Variants in EPHX3 observed in about 807,000 individuals in gnomAD.
EPHX3 encodes epoxide hydrolase 3.
EPHX3 carries 39 observed loss-of-function variants against 40.2 expected under a neutral mutation model. That is an observed-to-expected ratio of 0.97 (90% confidence interval 0.75 to 1.27). The LOEUF (loss-of-function observed/expected upper bound fraction) is 1.27. Ranked by LOEUF, EPHX3 falls within the 50% of genes most tolerant of loss-of-function variation. The pLI is 0.00. For missense variants in EPHX3, 442 were observed against 474.0 expected, an observed-to-expected ratio of 0.93 and a Z score of 0.63; for synonymous variants, 213 against 209.7, an observed-to-expected ratio of 1.02 and a Z score of -0.14.
At position 15,231,713 on chromosome 19, in the gene EPHX3, G is replaced by A. The variant is rs1599421733; in HGVS notation, c.329+63C>T. 2.6e-6 allele frequency: 4 copies of A among 1,530,644 alleles called. No individual in the cohort carries two copies. The East Asian group carries it at 9.0e-5, about 34-fold the overall frequency. The allele number at this position is 1,530,644 out of a possible 1,614,324, so 94.8% of individuals were successfully genotyped here. The stretch of plus-strand genomic sequence containing the variant: ...TATACAGCCCTCCTCCCTGCCTCTT[G>A]GGAGCCCAAGCTCCACCTGCCCCCG... On this transcript the variant is annotated intron_variant, in intron 2 of 6. Coordinates refer to ENST00000221730, the MANE Select transcript of EPHX3 (RefSeq NM_024794.3).
chr19:15,227,551 C>G lies in EPHX3; in HGVS notation c.969G>C (p.Val323=), dbSNP rs773808972. The G allele has an allele frequency of 6.2e-7, 1 of 1,614,060 alleles. No individual in the cohort carries two copies. Among genetic ancestry groups the G allele is most frequent in the Non-Finnish European group, 8.5e-7 (1 of 1,180,028 alleles). ...GLVEAIGSRF[V]PGRLEAHILP... ...GGATGTGGGCCTCCAAGCGGCCCGG[C>G]ACAAAGCGGCTGCCGATGGCTTCCA... is the stretch of plus-strand genomic sequence containing the variant. Residue 323 remains valine (V), a synonymous_variant, in exon 7 of 7, where the codon GTG becomes GTC. Coordinates refer to ENST00000221730, the MANE Select transcript of EPHX3 (RefSeq NM_024794.3).
At chr19:15,230,917 C>G in intron 4 of EPHX3, 45 bp downstream of exon 4, 1 of 1,605,510 alleles carries the variant, frequency 6.2e-7, no homozygotes, top group African/African-American at 1.3e-5. Context: ...GTCCCTGCCC[C>G]CTTGCACATA....
In EPHX3 at chr19:15,227,383, GGT is replaced by G. The variant is rs2047119319; in HGVS notation, c.*52_*53del. The G allele has an allele frequency of 4.3e-6, 6 of 1,385,218 alleles. No homozygotes were observed. Among genetic ancestry groups the G allele is most frequent in the Non-Finnish European group, 5.1e-6 (5 of 973,798 alleles). The allele number at this position is 1,385,218 out of a possible 1,614,324, so 85.8% of individuals were successfully genotyped here. Reference sequence around the variant, plus strand: ...GACTCCCAGGCACACACAGATAATGGGTGTGTGTTCCTTCCTGAGTATCCATG... The same window carrying G: ...GACTCCCAGGCACACACAGATAATGGGTGTGTTCCTTCCTGAGTATCCATG... On this transcript the variant is annotated 3_prime_UTR_variant, in exon 7 of 7. Coordinates refer to ENST00000221730, the MANE Select transcript of EPHX3 (RefSeq NM_024794.3).
chr19:15,235,041 A>T (rs1271318663), upstream of EPHX3, among the ~76,000 whole-genome samples: 1 of 152,130 alleles, frequency 6.6e-6, no homozygotes, highest in South Asian at 2.1e-4. Flanking sequence ...TCACCATATC[A>T]CCCAAGCTGG....
chr19:15,231,718 C>T (rs2047155523), intron 2 of EPHX3, 58 bp downstream of exon 2: 2 of 1,570,606 alleles, frequency 1.3e-6, no homozygotes, highest in Admixed American at 1.7e-5. Context: ...CTCTTGGGAG[C>T]CCAAGCTCCA....
In EPHX3 at chr19:15,231,992, CACCCAGCGAGGGG is replaced by C. The variant is rs761862680; in HGVS notation, c.207_219del (p.Asp69GlufsTer6). 6.2e-7 allele frequency: 1 copy of C among 1,609,786 alleles called. No homozygotes were observed. The highest frequency in any genetic ancestry group is 1.1e-5 in the South Asian group (1 of 91,012). On this transcript the variant is annotated frameshift_variant, in exon 1 of 7. Transcript: ENST00000221730. LOFTEE classifies it high-confidence loss of function. Reference sequence around the variant, plus strand: ...ACCTTGAGGTTCAGGAAACCGTGCTCACCCAGCGAGGGGTCGCTCAGGCAGGCGGGGGACGCGC... The same window carrying C: ...ACCTTGAGGTTCAGGAAACCGTGCTCTCGCTCAGGCAGGCGGGGGACGCGC...
In EPHX3 at chr19:15,227,676, A is replaced by T. The variant is rs778802716; in HGVS notation, c.858-14T>A. 1.2e-6 allele frequency: 2 copies of T among 1,611,988 alleles called. No individual in the cohort carries two copies. The highest frequency in any genetic ancestry group is 1.7e-6 in the Non-Finnish European group (2 of 1,178,984). On this transcript the variant is annotated splice_polypyrimidine_tract_variant and intron_variant, in intron 6 of 6. Transcript: ENST00000221730. ...AGGGGGAAGTTCCTGTGGCCAGGAC[A>T]GACAGACAGGCAGACAGACAGGCAG...
At chr19:15,233,198 C>T (rs557725336), upstream of EPHX3, among the ~76,000 whole-genome samples, 575 of 151,978 alleles carry the variant, frequency 3.8e-3, 6 homozygotes, top group African/African-American at 0.013. Context: ...AGGGCGGGGC[C>T]GGGACCTAAT....
chr19:15,228,103 G>T lies in EPHX3; in HGVS notation c.617-3C>A. ...GCTGATGTGGTGCAGGGAATAGTCT[G>T]GGGTGGGAGGGTTGGGGGAGAGATA... On this transcript the variant is annotated splice_polypyrimidine_tract_variant and splice_region_variant and intron_variant, in intron 4 of 6. Coordinates refer to ENST00000221730, the MANE Select transcript of EPHX3 (RefSeq NM_024794.3). The T allele has an allele frequency of 6.3e-7, 1 of 1,593,774 alleles. No homozygotes were observed. Among genetic ancestry groups the T allele is most frequent in the South Asian group, 1.1e-5 (1 of 89,920 alleles).
At position 15,228,063 on chromosome 19, in the gene EPHX3, G is replaced by A. The variant is rs769389957; in HGVS notation, c.654C>T (p.Ser218=). The A allele has an allele frequency of 1.3e-6, 2 of 1,596,908 alleles. No homozygotes were observed. Among genetic ancestry groups the A allele is most frequent in the Admixed American group, 1.7e-5 (1 of 59,468 alleles). ...SLHHISQFFR[S]HYMFLFQLPW... The stretch of plus-strand genomic sequence containing the variant: ...GCAGCTGGAACAGGAACATGTAGTG[G>A]GAACGGAAGAACTGGCTGATGTGGT... The change falls in exon 5 of 7, where the codon TCC becomes TCT. Residue 218 remains serine (S), a synonymous_variant. Coordinates refer to ENST00000221730, the MANE Select transcript of EPHX3 (RefSeq NM_024794.3).
chr19:15,227,672 G>GGACA lies in EPHX3; in HGVS notation c.858-14_858-11dup. ...TTCCAGGGGGAAGTTCCTGTGGCCA[G>GGACA]GACAGACAGACAGGCAGACAGACAG... On this transcript the variant is annotated splice_polypyrimidine_tract_variant and intron_variant, in intron 6 of 6. Transcript: ENST00000221730. The GGACA allele has an allele frequency of 1.2e-6, 2 of 1,613,266 alleles. No individual in the cohort carries two copies. The highest frequency in any genetic ancestry group is 2.2e-5 in the East Asian group (1 of 44,852).
intron 4 of EPHX3, 24 bp downstream of exon 4, chr19:15,230,938 A>C (rs766586959): frequency 3.7e-6 from 6 of 1,612,286 alleles, no homozygotes; most frequent in Non-Finnish European, 4.2e-6. Context: ...AGTACATCCC[A>C]GTGTCCCGGA....
chr19:15,232,099 AC>A lies in EPHX3; in HGVS notation c.112del (p.Val38SerfsTer5). The A allele has an allele frequency of 1.3e-6, 2 of 1,514,752 alleles. No individual in the cohort carries two copies. The highest frequency in any genetic ancestry group is 2.5e-5 in the East Asian group (1 of 39,674). The allele number at this position is 1,514,752 out of a possible 1,614,324, so 93.8% of individuals were successfully genotyped here. A position where few individuals can be genotyped will look rare whatever the true frequency, so the allele number is the denominator to read the frequency against. On this transcript the variant is annotated frameshift_variant, in exon 1 of 7. Coordinates refer to ENST00000221730, the MANE Select transcript of EPHX3 (RefSeq NM_024794.3). LOFTEE classifies it high-confidence loss of function. ...VFSVALVAAA[V>X]YGCIALTHVL... ...GTGCGTGAGCGCTATGCAGCCGTAG[AC>A]CGCCGCGGCCACCAGCGCCACCGAG...
At position 15,230,942 on chromosome 19, in the gene EPHX3, T is replaced by C. The variant is rs759590682; in HGVS notation, c.616+20A>G. ...CCTTGCACATAAGTACATCCCAGTGTCCCGGACTCCCACACACACCTTGGT... is the reference window on the plus strand; with the variant it reads ...CCTTGCACATAAGTACATCCCAGTGCCCCGGACTCCCACACACACCTTGGT... On this transcript the variant is annotated intron_variant, in intron 4 of 6. Transcript: ENST00000221730. 6.2e-7 allele frequency: 1 copy of C among 1,613,006 alleles called. No individual in the cohort carries two copies. Among genetic ancestry groups the C allele is most frequent in the East Asian group, 2.2e-5 (1 of 44,868 alleles).
chr19:15,231,422 C>T, intron 2 of EPHX3, 26 bp from the exon 3 acceptor site: 1 of 1,610,126 alleles, frequency 6.2e-7, no homozygotes. Context: ...GGGAGGGAGG[C>T]TGAGTCAGGG....
intron 4 of EPHX3, among the ~76,000 whole-genome samples, chr19:15,230,263 G>C (rs982664032): frequency 3.3e-5 from 5 of 152,110 alleles, no homozygotes; most frequent in African/African-American, 4.8e-5. Flanking sequence ...CCACTTCTCA[G>C]GTTCAAGTGA....
At chr19:15,231,650 G>A in intron 2 of EPHX3, 126 bp downstream of exon 2, 2 of 1,087,376 alleles carry the variant, frequency 1.8e-6, no homozygotes, top group Non-Finnish European at 1.4e-6. Context: ...TGCTGGCTCA[G>A]TACCCCTATC....
Position 15,227,135 on chromosome 19 carries a change from A to C in EPHX3, c.*302T>G. On this transcript the variant is annotated 3_prime_UTR_variant, in exon 7 of 7. Transcript: ENST00000221730. ...CAAAGCGCAGAGTGAGGCCCCAGGA[A>C]GGGAGGAGGTGGGACACTCGGTCTC... 2.4e-6 allele frequency: 1 copy of C among 409,658 alleles called. No individual in the cohort carries two copies. 25.4% of individuals were successfully genotyped at this position (409,658 alleles called of 1,614,324 possible).
At chr19:15,235,908 G>A (rs1410146153), upstream of EPHX3, 2 of 152,248 alleles carry the variant, frequency 1.3e-5, no homozygotes, top group African/African-American at 4.8e-5. Context: ...CAGCTCAGCA[G>A]TTGGACCCAG....
Sources: allele counts gnomAD v4.1 joint callset (sites outside exome capture counted in the v4.1 genomes callset), GRCh38; gene constraint gnomAD v4.1.1; transcripts MANE v1.5; gene names NCBI Gene and HGNC (gene_info 2026-07-23, HGNC 2026-07-21).